WSCD2: variants seen among roughly 807,000 people sequenced by gnomAD.
WSCD2 encodes sialate:O-sulfotransferase 2.
WSCD2 carries 28 observed loss-of-function variants against 55.7 expected under a neutral mutation model. The observed-to-expected ratio is 0.50, with a 90% confidence interval of 0.37 to 0.69. WSCD2 has a LOEUF of 0.69. WSCD2 is among the 30% of genes least tolerant of loss of function. WSCD2 has a pLI of 0.00. For missense variants in WSCD2, 616 were observed against 762.1 expected (o/e 0.81, Z 2.26); for synonymous variants, 301 against 301.9 (o/e 1.00, Z 0.03).
chr12:108,227,186 T>C, intron 6 of WSCD2, 22 bp downstream of exon 6: 1 of 1,603,838 alleles, frequency 6.2e-7, no homozygotes, highest in Non-Finnish European at 8.5e-7. Flanking sequence ...CCTTCCCCAG[T>C]GGACCCCAGA....
chr12:108,168,884 A>C (rs1180844443), intron 1 of WSCD2, among the ~76,000 whole-genome samples: 5 of 152,332 alleles, frequency 3.3e-5, no homozygotes, highest in Middle Eastern at 3.4e-3. Context: ...TCAATGTCCT[A>C]GTTCATCATG....
chr12:108,203,863 A>G (rs1192124240), intron 2 of WSCD2, among the ~76,000 whole-genome samples: 3 of 152,196 alleles, frequency 2.0e-5, no homozygotes, highest in Admixed American at 6.5e-5. Flanking sequence ...GAGAAATGAA[A>G]CTTCCTCAAG....
chr12:108,187,116 G>A (rs980063734), intron 1 of WSCD2, among the ~76,000 whole-genome samples: 3 of 152,154 alleles, frequency 2.0e-5, no homozygotes, highest in Non-Finnish European at 2.9e-5. Context: ...CCATATTTCT[G>A]GGGCCAAGAA....
At chr12:108,194,176 C>CCT (rs1279138402) in intron 1 of WSCD2, among the ~76,000 whole-genome samples, 6 of 152,344 alleles carry the variant, frequency 3.9e-5, no homozygotes, top group Admixed American at 3.9e-4. Context: ...TTACCATTAT[C>CCT]TGAGAGCACC....
rs79548754 is a variant in WSCD2 at position 108,172,010 on chromosome 12, C to A, written c.-551-23272C>A. 4.3e-3 allele frequency among the ~76,000 whole-genome samples: 648 copies of A among 152,268 alleles called. 14 individuals are homozygous for A. The highest frequency in any genetic ancestry group is 0.033 in the Admixed American group (501 of 15,298). On this transcript the variant is annotated intron_variant, in intron 1 of 8. Coordinates refer to ENST00000547525, the MANE Select transcript of WSCD2 (RefSeq NM_014653.4). ...CAGTCAATTCAAATCTAGCCAAAAGCACAGAGCTGCACCATTGTTGAGAGT... is the reference window on the plus strand; with the variant it reads ...CAGTCAATTCAAATCTAGCCAAAAGAACAGAGCTGCACCATTGTTGAGAGT...
At position 108,210,599 on chromosome 12, in the gene WSCD2, C is replaced by A. The variant is rs1886027023; in HGVS notation, c.682+294C>A. Among the ~76,000 whole-genome samples, 1 of 152,206 alleles carries A rather than the reference C, an allele frequency of 6.6e-6. No homozygotes were observed. The highest frequency in any genetic ancestry group is 2.4e-5 in the African/African-American group (1 of 41,442). Reference sequence around the variant, plus strand: ...TTCTGAAACTGAGTTGGAGCCTGAGCCTCGCCTTCCCATCCTGATTTTCTC... The same window carrying A: ...TTCTGAAACTGAGTTGGAGCCTGAGACTCGCCTTCCCATCCTGATTTTCTC... On this transcript the variant is annotated intron_variant, in intron 4 of 8. Transcript: ENST00000547525. This position sits in a 1 kb window ranked among gnomAD's most constrained non-coding sequence, Gnocchi z 4.3.
intron 4 of WSCD2, among the ~76,000 whole-genome samples, chr12:108,223,946 T>C (rs1277958774): frequency 2.6e-5 from 4 of 152,190 alleles, no homozygotes; most frequent in Admixed American, 2.6e-4. Flanking sequence ...TGAGATCACA[T>C]CCTCACTTAG....
intron 4 of WSCD2, among the ~76,000 whole-genome samples, chr12:108,223,863 C>G (rs1887793670): frequency 6.6e-6 from 1 of 152,212 alleles, no homozygotes; most frequent in African/African-American, 2.4e-5. Flanking sequence ...GGGGCCAACT[C>G]TGTAGTGCAA....
intron 3 of WSCD2, among the ~76,000 whole-genome samples, chr12:108,207,007 G>A (rs1565964764): frequency 2.0e-5 from 3 of 152,166 alleles, no homozygotes. Context: ...TTTCTCCAAG[G>A]GAGAAACACT....
intron 1 of WSCD2, among the ~76,000 whole-genome samples, chr12:108,183,069 A>C (rs1381206236): frequency 6.6e-6 from 1 of 152,210 alleles, no homozygotes; most frequent in African/African-American, 2.4e-5. Flanking sequence ...CAGGGATGCT[A>C]TCAACCACCC....
intron 1 of WSCD2, among the ~76,000 whole-genome samples, chr12:108,135,905 TGA>T (rs368760797): frequency 6.6e-6 from 1 of 152,258 alleles, no homozygotes. Context: ...ACAGGAATGT[TGA>T]GTATTTGTGA....
At chr12:108,154,877 A>G (rs969470930) in intron 1 of WSCD2, among the ~76,000 whole-genome samples, 4 of 152,204 alleles carry the variant, frequency 2.6e-5, no homozygotes, top group African/African-American at 7.2e-5. Context: ...ATGGGCACTT[A>G]TGATTTTTGT....
intron 7 of WSCD2, among the ~76,000 whole-genome samples, chr12:108,234,346 G>C (rs1889081991): frequency 6.6e-6 from 1 of 152,166 alleles, no homozygotes; most frequent in Non-Finnish European, 1.5e-5. Context: ...GTCTTTCTCA[G>C]GGTGAGACAC....
At chr12:108,224,089 T>C (rs1593076046) in intron 4 of WSCD2, among the ~76,000 whole-genome samples, 4 of 152,352 alleles carry the variant, frequency 2.6e-5, no homozygotes, top group Admixed American at 6.5e-5. Context: ...ATGACTTCTA[T>C]TGAAGATTTG....
intron 1 of WSCD2, among the ~76,000 whole-genome samples, chr12:108,138,131 A>G (rs1415911073): frequency 6.6e-6 from 1 of 152,198 alleles, no homozygotes; most frequent in African/African-American, 2.4e-5. Context: ...CAACTTCTAT[A>G]TCTCATGTGG....
At chr12:108,166,606 A>G (rs1276277616) in intron 1 of WSCD2, among the ~76,000 whole-genome samples, 1 of 152,034 alleles carries the variant, frequency 6.6e-6, no homozygotes, top group East Asian at 1.9e-4. Flanking sequence ...TCTCCCATGC[A>G]TCTGTTCTTA....
intron 4 of WSCD2, among the ~76,000 whole-genome samples, chr12:108,222,427 T>A (rs1304871003): frequency 4.6e-5 from 7 of 152,144 alleles, no homozygotes; most frequent in Non-Finnish European, 1.0e-4. Context: ...TTCAAGAAGG[T>A]GAGATGAGCT....
intron 7 of WSCD2, among the ~76,000 whole-genome samples, chr12:108,238,388 G>A (rs528364536): frequency 6.0e-4 from 91 of 152,332 alleles, no homozygotes; most frequent in African/African-American, 2.1e-3. Context: ...CAGTGGCCAT[G>A]TGAGAAAGGC....
At chr12:108,190,849 TAGAG>T (rs1348240847) in intron 1 of WSCD2, among the ~76,000 whole-genome samples, 2 of 152,056 alleles carry the variant, frequency 1.3e-5, no homozygotes, top group African/African-American at 2.4e-5. Flanking sequence ...AACTGAGGCT[TAGAG>T]AGGTGTCACA....
Sources: gnomAD v4.1 joint callset for allele counts (sites outside exome capture counted in the v4.1 genomes callset) on GRCh38, gnomAD v4.1.1 for gene constraint, Gnocchi (gnomAD v3.1) non-coding constraint, MANE v1.5 for transcripts, NCBI Gene and HGNC (gene_info 2026-07-23, HGNC 2026-07-21) for gene names.